Variants in TBC1D1 observed in about 807,000 individuals in gnomAD.
The protein encoded by TBC1D1 is TBC1 domain family member 1.
Under a neutral mutation model 125.6 loss-of-function variants are expected in TBC1D1, and 89 were observed. The ratio of observed to expected loss-of-function variants is 0.71; its 90% CI spans 0.60 to 0.85. TBC1D1 has a LOEUF of 0.85. Among genes scored for constraint, TBC1D1 ranks in the 40% least tolerant of loss-of-function variants. The probability of loss-of-function intolerance (pLI) is 0.00; values close to 1 mark genes in which losing one functional copy is unlikely to be tolerated. For missense variants in TBC1D1, 1,377 were observed against 1,469.2 expected, an observed-to-expected ratio of 0.94 and a Z score of 1.03; for synonymous variants, 565 against 564.1, an observed-to-expected ratio of 1.00 and a Z score of -0.02.
At chr4:38,065,478 G>T (rs1188941068) in intron 12 of TBC1D1, among the ~76,000 whole-genome samples, 1 of 152,174 alleles carries the variant, frequency 6.6e-6, no homozygotes, top group East Asian at 1.9e-4. Flanking sequence ...TTGAAAATTA[G>T]AAATGAGTTC....
At chr4:37,915,457 G>A (rs1222171356) in intron 2 of TBC1D1, among the ~76,000 whole-genome samples, 1 of 152,160 alleles carries the variant, frequency 6.6e-6, no homozygotes, top group Non-Finnish European at 1.5e-5. Flanking sequence ...GAGAACCAAG[G>A]GAAGGGGAAG....
At chr4:38,065,249 G>A (rs1265212799) in intron 12 of TBC1D1, among the ~76,000 whole-genome samples, 4 of 152,076 alleles carry the variant, frequency 2.6e-5, no homozygotes, top group African/African-American at 9.7e-5. Context: ...CACCCACCCA[G>A]CCCGTAGCTA....
At chr4:37,999,906 G>T (rs1738648135) in intron 2 of TBC1D1, among the ~76,000 whole-genome samples, 1 of 152,128 alleles carries the variant, frequency 6.6e-6, no homozygotes, top group Non-Finnish European at 1.5e-5. Flanking sequence ...GACTAGCTAG[G>T]CAATAAATCA....
chr4:38,090,001 G>A lies in TBC1D1; in HGVS notation c.2120G>A (p.Gly707Asp). The change falls in exon 13 of 20, where the codon GGC becomes GAC. Residue 707 changes from glycine to aspartate, a missense_variant. Physicochemically the swap from Gly to Asp is moderately conservative, Grantham distance 94. Around this residue, in one of 3 missense-constraint regions of TBC1D1, gnomAD observed 543 missense variants for 613.5 expected, o/e 0.89. Coordinates refer to ENST00000261439, the MANE Select transcript of TBC1D1 (RefSeq NM_015173.4). Reference sequence around the variant, plus strand: ...CCAGTTTGTGAAGATGGGCCCTTTGGCCCCCCACCAGAGGAAAAGAAAAGG... The same window carrying A: ...CCAGTTTGTGAAGATGGGCCCTTTGACCCCCCACCAGAGGAAAAGAAAAGG... 1 of 1,613,922 alleles carries A rather than the reference G, an allele frequency of 6.2e-7. No individual in the cohort carries two copies. The highest frequency in any genetic ancestry group is 1.3e-5 in the African/African-American group (1 of 75,016).
rs759880338 is a variant in TBC1D1, at chr4:37,992,830, A to T, written c.418-21679A>T. The stretch of plus-strand genomic sequence containing the variant: ...TTTTTTTTTCTTTTTTTGGAGACAG[A>T]GTCTCACTCTGTCCCCTAGGCTGGA... On this transcript the variant is annotated intron_variant, in intron 2 of 19. Coordinates refer to ENST00000261439, the MANE Select transcript of TBC1D1 (RefSeq NM_015173.4). Among the ~76,000 whole-genome samples, 78 of 136,592 alleles carry T rather than the reference A, an allele frequency of 5.7e-4. 1 individual carries two copies. The highest frequency in any genetic ancestry group is 8.1e-4 in the Non-Finnish European group (52 of 64,594). The allele number at this position is 136,592 out of a possible 152,430, so 89.6% of individuals were successfully genotyped here. A position where few individuals can be genotyped will look rare whatever the true frequency, so the allele number is the denominator to read the frequency against.
intron 3 of TBC1D1, among the ~76,000 whole-genome samples, chr4:38,015,343 T>C (rs1742476420): frequency 6.6e-6 from 1 of 152,228 alleles, no homozygotes; most frequent in Non-Finnish European, 1.5e-5. Context: ...CTCTCTACTA[T>C]TAATATTTTT....
chr4:37,954,030 C>G (rs1178607606), intron 2 of TBC1D1, among the ~76,000 whole-genome samples: 3 of 152,160 alleles, frequency 2.0e-5, no homozygotes, highest in Non-Finnish European at 2.9e-5. Context: ...AACAGAGATA[C>G]TTAGATATCT....
At chr4:38,088,951 C>G (rs1201867635) in intron 12 of TBC1D1, among the ~76,000 whole-genome samples, 1 of 152,110 alleles carries the variant, frequency 6.6e-6, no homozygotes, top group African/African-American at 2.4e-5. Context: ...TCTTGCTTTT[C>G]TATTGAACAG....
At chr4:38,061,419 C>T (rs573348639) in intron 12 of TBC1D1, among the ~76,000 whole-genome samples, 21 of 152,280 alleles carry the variant, frequency 1.4e-4, no homozygotes, top group African/African-American at 5.1e-4. Flanking sequence ...TAAGGCAACT[C>T]CCAACTTTGA....
At chr4:38,009,305 G>A (rs1284033252) in intron 2 of TBC1D1, among the ~76,000 whole-genome samples, 1 of 152,060 alleles carries the variant, frequency 6.6e-6, no homozygotes, top group Non-Finnish European at 1.5e-5. Flanking sequence ...CAATGTGTCC[G>A]GCCATATTTT....
intron 12 of TBC1D1, among the ~76,000 whole-genome samples, chr4:38,063,411 C>G (rs775348232): frequency 6.6e-6 from 1 of 152,138 alleles, no homozygotes; most frequent in Non-Finnish European, 1.5e-5. Flanking sequence ...TTGCCTGCTT[C>G]AGTAAACAGG....
intron 12 of TBC1D1, chr4:38,060,636 G>T: frequency 7.8e-7 from 1 of 1,289,136 alleles, no homozygotes; most frequent in Non-Finnish European, 1.0e-6. Flanking sequence ...ACTGTGGATC[G>T]CCATCGTTGG....
chr4:37,921,653 C>T (rs997946638), intron 2 of TBC1D1, among the ~76,000 whole-genome samples: 6 of 151,734 alleles, frequency 4.0e-5, no homozygotes, highest in African/African-American at 9.7e-5. Context: ...CCTCATGATC[C>T]GCCTGCCTCA....
intron 19 of TBC1D1, 118 bp from the exon 22 acceptor site, chr4:38,137,017 C>A: frequency 1.3e-6 from 2 of 1,513,898 alleles, no homozygotes; most frequent in African/African-American, 2.7e-5. Context: ...AAACTGTAGA[C>A]TCATCCCTGC....
intron 12 of TBC1D1, among the ~76,000 whole-genome samples, chr4:38,079,952 T>C (rs1756267399): frequency 6.6e-6 from 1 of 152,244 alleles, no homozygotes; most frequent in Non-Finnish European, 1.5e-5. Context: ...ATTCAACCTT[T>C]TGTGTGCATT....
At position 38,052,481 on chromosome 4, in the gene TBC1D1, G is replaced by A. The variant is rs569871027; in HGVS notation, c.1911-1718G>A. ...CGAGTAGCTGGGACTACAGGCACAC[G>A]CCACCATGCCCGGCTAATATTTTTA... On this transcript the variant is annotated intron_variant, in intron 11 of 19. Transcript: ENST00000261439. Among the ~76,000 whole-genome samples the A allele has an allele frequency of 4.0e-5, 6 of 151,516 alleles. No individual in the cohort carries two copies. The East Asian group carries it at 9.7e-4, about 25-fold the overall frequency.
chr4:37,992,180 G>C (rs1249056749), intron 2 of TBC1D1, among the ~76,000 whole-genome samples: 1 of 152,200 alleles, frequency 6.6e-6, no homozygotes, highest in Non-Finnish European at 1.5e-5. Flanking sequence ...AGATCAGGCT[G>C]TGCTGGATAG....
intron 2 of TBC1D1, among the ~76,000 whole-genome samples, chr4:37,937,927 A>T (rs1366884852): frequency 6.6e-6 from 1 of 152,152 alleles, no homozygotes; most frequent in Non-Finnish European, 1.5e-5. Flanking sequence ...CTTGAGATTG[A>T]TCAGGGATGT....
At chr4:38,004,667 TA>T (rs780286888) in intron 2 of TBC1D1, among the ~76,000 whole-genome samples, 3 of 152,252 alleles carry the variant, frequency 2.0e-5, no homozygotes, top group South Asian at 2.1e-4. Context: ...TGATCCCACT[TA>T]AAAAAATTGG....
Sources: allele counts gnomAD v4.1 joint callset (sites outside exome capture counted in the v4.1 genomes callset), GRCh38; gene constraint gnomAD v4.1.1; regional missense constraint gnomAD v4.1.1; transcripts MANE v1.5; gene names NCBI Gene and HGNC (gene_info 2026-07-23, HGNC 2026-07-21).